The following DAB2IP variants were observed in gnomAD, a reference collection of about 807,000 sequenced individuals.
DAB2IP encodes disabled homolog 2-interacting protein.
DAB2IP carries 28 observed loss-of-function variants against 107.2 expected under a neutral mutation model. The ratio of observed to expected loss-of-function variants is 0.26; its 90% CI spans 0.19 to 0.36. DAB2IP has a LOEUF of 0.36. Ranked by LOEUF, DAB2IP falls within the 10% of genes least tolerant of loss-of-function variation. The pLI is 1.00. For synonymous variants in DAB2IP, 755 were observed against 706.4 expected (o/e 1.07, Z -1.09); for missense variants, 1,400 against 1,644.7 (o/e 0.85, Z 2.57).
At chr9:121,658,486 C>T (rs567793666) in intron 1 of DAB2IP, among the ~76,000 whole-genome samples, 39 of 152,278 alleles carry the variant, frequency 2.6e-4, no homozygotes, top group East Asian at 5.8e-4. Context: ...CTAGGAGTGG[C>T]GGGGTGGCTA....
intron 1 of DAB2IP, among the ~76,000 whole-genome samples, chr9:121,632,076 G>A (rs1225206481): frequency 5.3e-5 from 8 of 152,182 alleles, no homozygotes; most frequent in Admixed American, 5.2e-4. Flanking sequence ...CCCAGCCATG[G>A]AATGAGGTGG....
chr9:121,742,890 C>A, intron 3 of DAB2IP: 1 of 985,456 alleles, frequency 1.0e-6, no homozygotes, highest in South Asian at 4.7e-5. Context: ...GAGGCTCAAA[C>A]TGAAAGCCTG....
chr9:121,670,146 A>G (rs1833617435), intron 1 of DAB2IP, among the ~76,000 whole-genome samples: 1 of 152,168 alleles, frequency 6.6e-6, no homozygotes, highest in African/African-American at 2.4e-5. Context: ...TCCCTTTGAG[A>G]ATGCCACGTA....
intron 14 of DAB2IP, among the ~76,000 whole-genome samples, chr9:121,779,503 G>A (rs1343199619): frequency 6.6e-6 from 1 of 152,160 alleles, no homozygotes; most frequent in Non-Finnish European, 1.5e-5. Context: ...TCCTTTCTGG[G>A]GGCTTTATTC....
chr9:121,686,284 G>A (rs1039565634), intron 2 of DAB2IP, among the ~76,000 whole-genome samples: 2 of 152,218 alleles, frequency 1.3e-5, no homozygotes, highest in African/African-American at 4.8e-5. Context: ...CTGGCAAGTG[G>A]CAGCTGGCTT....
At chr9:121,583,349 C>G (rs1300499962) in intron 1 of DAB2IP, among the ~76,000 whole-genome samples, 2 of 152,184 alleles carry the variant, frequency 1.3e-5, no homozygotes, top group Non-Finnish European at 2.9e-5. Context: ...TGAGATCACA[C>G]CGCTGCACTC....
At chr9:121,660,416 C>T (rs535330407) in intron 1 of DAB2IP, among the ~76,000 whole-genome samples, 6 of 152,294 alleles carry the variant, frequency 3.9e-5, no homozygotes, top group African/African-American at 9.6e-5. Context: ...CTTAACAACC[C>T]TCAAGCTAGA....
At chr9:121,733,846 TAAA>T (rs1831696579) in intron 3 of DAB2IP, among the ~76,000 whole-genome samples, 1 of 151,242 alleles carries the variant, frequency 6.6e-6, no homozygotes, top group African/African-American at 2.4e-5. Context: ...CTGGGAAGAG[TAAA>T]AAAGGAGGCG....
In DAB2IP at chr9:121,760,289, GC is replaced by G; in HGVS notation, c.1023del (p.Met342TrpfsTer48). ...CGCGCTACCAAACCATCACCATCCT[GC>G]CCATGGAGATGTACAAAGAGTTCGC... On this transcript the variant is annotated frameshift_variant, in exon 6 of 16. Transcript: ENST00000408936. LOFTEE classifies it high-confidence loss of function. This position sits in a 1 kb window ranked among gnomAD's most constrained non-coding sequence, Gnocchi z 5.9. 6.2e-7 allele frequency: 1 copy of G among 1,613,808 alleles called. No individual in the cohort carries two copies. The highest frequency in any genetic ancestry group is 8.5e-7 in the Non-Finnish European group (1 of 1,180,032).
Position 121,783,327 on chromosome 9 carries a change from G to A in DAB2IP, c.*829G>A. ...AGGGCTCCCAGAAGCCAGAGATCTG[G>A]GCGGATCTGGCCAGATGGCTCTGAG... On this transcript the variant is annotated 3_prime_UTR_variant, in exon 16 of 16. Coordinates refer to ENST00000408936, the Ensembl canonical transcript of DAB2IP. The A allele has an allele frequency of 2.1e-6, 3 of 1,429,244 alleles. No individual in the cohort carries two copies. In the South Asian group the frequency reaches 4.4e-5, roughly 21 times the overall value. The allele number at this position is 1,429,244 out of a possible 1,614,324, so 88.5% of individuals were successfully genotyped here.
In DAB2IP at chr9:121,772,752, G is replaced by A. The variant is rs749461604; in HGVS notation, c.2224G>A (p.Gly742Ser). 1.4e-5 allele frequency: 23 copies of A among 1,613,786 alleles called. No individual in the cohort carries two copies. The highest frequency in any genetic ancestry group is 4.0e-5 in the African/African-American group (3 of 74,944). Residue 742 changes from glycine (G) to serine (S), a missense_variant, in exon 12 of 16, where the codon GGT becomes AGT. Around this residue, in one of 3 missense-constraint regions of DAB2IP, gnomAD observed 600 missense variants for 659.1 expected, o/e 0.91. Transcript: ENST00000408936. This position sits in a 1 kb window ranked among gnomAD's most constrained non-coding sequence, Gnocchi z 4.7. Reference sequence around the variant, plus strand: ...CGAGCCTGATCTTCAGATGGCCAACGGTGGCAAGAGCCTCTCCATGGTGGA... The same window carrying A: ...CGAGCCTGATCTTCAGATGGCCAACAGTGGCAAGAGCCTCTCCATGGTGGA...
At chr9:121,694,091 T>C (rs1039801182) in intron 2 of DAB2IP, among the ~76,000 whole-genome samples, 6 of 151,962 alleles carry the variant, frequency 3.9e-5, no homozygotes, top group African/African-American at 1.5e-4. Flanking sequence ...ACTCAGGGAG[T>C]GAGCGGGCCT....
rs75417139 is a variant in DAB2IP at position 121,710,095 on chromosome 9, G to A, written c.362+10637G>A. 3.3e-3 allele frequency among the ~76,000 whole-genome samples: 500 copies of A among 152,282 alleles called. 4 individuals carry two copies. The highest frequency in any genetic ancestry group is 0.011 in the African/African-American group (462 of 41,548). ...GCAGAGCTGGGATTAAACCCAAGCCGTCTGGCTCCCACATCAGTGTTTTTA... is the reference window on the plus strand; with the variant it reads ...GCAGAGCTGGGATTAAACCCAAGCCATCTGGCTCCCACATCAGTGTTTTTA... On this transcript the variant is annotated intron_variant, in intron 3 of 15. Coordinates refer to ENST00000408936, the Ensembl canonical transcript of DAB2IP.
At chr9:121,738,462 C>T (rs1417972114) in intron 3 of DAB2IP, among the ~76,000 whole-genome samples, 2 of 152,100 alleles carry the variant, frequency 1.3e-5, no homozygotes, top group East Asian at 1.9e-4. Flanking sequence ...GAACATCAGA[C>T]ATCAGAGCCC....
intron 1 of DAB2IP, among the ~76,000 whole-genome samples, chr9:121,621,001 C>T (rs1430712370): frequency 6.6e-6 from 1 of 152,216 alleles, no homozygotes. Context: ...ACCTGCTCCC[C>T]CAGGTCCCAA....
At chr9:121,643,768 T>C (rs748100197) in intron 1 of DAB2IP, among the ~76,000 whole-genome samples, 12 of 150,194 alleles carry the variant, frequency 8.0e-5, no homozygotes, top group Non-Finnish European at 1.5e-4. Flanking sequence ...TTTTTTCGAA[T>C]GTTGCCATCA....
At chr9:121,749,990 C>T (rs1447183205) in intron 3 of DAB2IP, among the ~76,000 whole-genome samples, 3 of 152,098 alleles carry the variant, frequency 2.0e-5, no homozygotes, top group Non-Finnish European at 4.4e-5. Flanking sequence ...TCGTGGCTGG[C>T]AATGAGGTGG....
chr9:121,734,912 G>A (rs1831783858), intron 3 of DAB2IP, among the ~76,000 whole-genome samples: 1 of 152,214 alleles, frequency 6.6e-6, no homozygotes, highest in Non-Finnish European at 1.5e-5. Flanking sequence ...ATCAGTGGGA[G>A]CAGACCTGGC....
chr9:121,752,376 G>A (rs557658016), intron 3 of DAB2IP, among the ~76,000 whole-genome samples: 2 of 152,186 alleles, frequency 1.3e-5, no homozygotes, highest in East Asian at 3.9e-4. Flanking sequence ...TGGTGTGTTG[G>A]GGTTTTGGTC....
Sources: allele counts gnomAD v4.1 joint callset (sites outside exome capture counted in the v4.1 genomes callset), GRCh38; gene constraint gnomAD v4.1.1; regional missense constraint gnomAD v4.1.1; non-coding constraint Gnocchi (gnomAD v3.1); transcripts MANE v1.5; gene names NCBI Gene and HGNC (gene_info 2026-07-23, HGNC 2026-07-21).